KTN1: variants seen among roughly 807,000 people sequenced by gnomAD.
KTN1 encodes the protein kinectin 1, also known as kinectin.
A neutral mutation model predicts 222.5 loss-of-function variants in KTN1; 130 were observed. That is an observed-to-expected ratio of 0.58 (90% CI 0.51 to 0.68). The LOEUF is 0.68. Among genes scored for constraint, KTN1 ranks in the 30% least tolerant of loss-of-function variants. KTN1 has a pLI of 0.00. For synonymous variants in KTN1, 512 were observed against 496.3 expected (o/e 1.03, Z -0.42); for missense variants, 1,508 against 1,500.4 (o/e 1.01, Z -0.08).
intron 41 of KTN1, among the ~76,000 whole-genome samples, chr14:55,677,474 A>G (rs28476712): frequency 0.18 from 15,316 of 83,850 alleles, 1,161 homozygotes; most frequent in African/African-American, 0.34. Context: ...AAGACTGTCT[A>G]AAAAAAAAAA....
intron 33 of KTN1, among the ~76,000 whole-genome samples, chr14:55,665,949 G>A (rs2141264229): frequency 6.6e-6 from 1 of 151,898 alleles, no homozygotes; most frequent in African/African-American, 2.4e-5. Flanking sequence ...TTTTCAAAAA[G>A]CTGTTCCTCA....
intron 18 of KTN1, chr14:55,644,463 C>G (rs555301301): frequency 1.4e-6 from 1 of 698,900 alleles, no homozygotes; most frequent in Admixed American, 2.0e-5. Flanking sequence ...CCTGTTGATA[C>G]CCTAAAGGAG....
chr14:55,583,576 T>G (rs1161006935), intron 1 of KTN1, among the ~76,000 whole-genome samples: 1 of 152,154 alleles, frequency 6.6e-6, no homozygotes, highest in East Asian at 1.9e-4. Flanking sequence ...TTTTTGGGCT[T>G]TCTCCTTCCT....
At position 55,672,703 on chromosome 14, in the gene KTN1, T is replaced by TGAGAAGAGAACGAGAAC; in HGVS notation, c.3603+2_3603+3insGAGAAGAGAACGAGAAC. On this transcript the variant is annotated splice_region_variant and intron_variant, in intron 38 of 43. Transcript: ENST00000395314. ...AGCGAAAATAAGGATATTGAAAATG[T>TGAGAAGAGAACGAGAAC]ATGTTATTTGATTGTTTTACTTGTA... 6.4e-7 allele frequency: 1 copy of TGAGAAGAGAACGAGAAC among 1,561,930 alleles called. No homozygotes were observed. The highest frequency in any genetic ancestry group is 1.4e-5 in the African/African-American group (1 of 73,976).
At chr14:55,625,138 C>T (rs751420889) in intron 5 of KTN1, among the ~76,000 whole-genome samples, 1 of 152,160 alleles carries the variant, frequency 6.6e-6, no homozygotes, top group Non-Finnish European at 1.5e-5. Flanking sequence ...GACTCTGCCA[C>T]TTGCAGCTTT....
At chr14:55,665,546 A>G (rs912625650) in intron 33 of KTN1, among the ~76,000 whole-genome samples, 1 of 152,056 alleles carries the variant, frequency 6.6e-6, no homozygotes, top group Non-Finnish European at 1.5e-5. Context: ...GCCATAAATT[A>G]TGTTGTGATG....
rs149493705 is a variant in KTN1 at position 55,680,701 on chromosome 14, G to A, written c.4069+1016G>A. The A allele has an allele frequency of 1.2e-4, 161 of 1,366,674 alleles. No individual in the cohort carries two copies. The African/African-American group carries it at 2.2e-3, about 18-fold the overall frequency. 84.7% of individuals were successfully genotyped at this position (1,366,674 alleles called of 1,614,324 possible). On this transcript the variant is annotated intron_variant, in intron 43 of 43. Coordinates refer to ENST00000395314, the MANE Select transcript of KTN1 (RefSeq NM_001079521.2). Reference sequence around the variant, plus strand: ...CTCACTTTAGAGTGATCATCCTCTGGCCTACCTTGACACATGCTCTCCTTC... The same window carrying A: ...CTCACTTTAGAGTGATCATCCTCTGACCTACCTTGACACATGCTCTCCTTC...
intron 43 of KTN1, chr14:55,680,460 A>T (rs955075526): frequency 8.7e-6 from 3 of 342,878 alleles, no homozygotes; most frequent in African/African-American, 4.3e-5. Context: ...GAGTATTCAG[A>T]TATGCACTGA....
Position 55,663,997 on chromosome 14 carries a change from T to A in KTN1, c.3133T>A (p.Ser1045Thr), listed in dbSNP as rs1375634290. Residue 1045 changes from serine (S) to threonine (T), a missense_variant, in exon 33 of 44, where the codon TCA (serine) becomes ACA (threonine). Ser to Thr is a moderately conservative substitution (Grantham distance 58). Transcript: ENST00000395314. Reference sequence around the variant, plus strand: ...CTGGGAAGCAATGGAAGCATTGGCATCAACTGAAAAAATGCTGCAGGACAA... The same window carrying A: ...CTGGGAAGCAATGGAAGCATTGGCAACAACTGAAAAAATGCTGCAGGACAA... ...KNWEAMEALA[S>T]TEKMLQDKVN... The A allele has an allele frequency of 1.2e-6, 2 of 1,612,806 alleles. No homozygotes were observed. The highest frequency in any genetic ancestry group is 2.7e-5 in the African/African-American group (2 of 74,858).
intron 32 of KTN1, among the ~76,000 whole-genome samples, chr14:55,662,092 A>T (rs1338334641): frequency 7.1e-6 from 1 of 141,650 alleles, no homozygotes; most frequent in Admixed American, 7.2e-5. Flanking sequence ...TTTTTTTAAG[A>T]CAGGGTCTCG....
Position 55,650,346 on chromosome 14 carries a change from A to G in KTN1, c.2424A>G (p.Gly808=). 1 of 1,600,638 alleles carries G rather than the reference A, an allele frequency of 6.2e-7. No homozygotes were observed. Among genetic ancestry groups the G allele is most frequent in the Non-Finnish European group, 8.5e-7 (1 of 1,175,566 alleles). ...ATTGAAGGATCCATGAGAAAGATGG[A>G]AAGATCAAGTCTGTAGAAGAGCTTC... ...ELKKVIHEKD[G]KIKSVEELLE... The change falls in exon 23 of 44, where the codon GGA becomes GGG. Residue 808 remains glycine, a synonymous_variant. Coordinates refer to ENST00000395314, the MANE Select transcript of KTN1 (RefSeq NM_001079521.2).
At chr14:55,606,954 G>A (rs955039740) in intron 1 of KTN1, among the ~76,000 whole-genome samples, 4 of 152,114 alleles carry the variant, frequency 2.6e-5, no homozygotes, top group African/African-American at 9.7e-5. Context: ...TTAAATGGTT[G>A]TGTGATGTGT....
chr14:55,630,430 AAGAG>A (rs1368576645), intron 7 of KTN1, among the ~76,000 whole-genome samples: 2 of 152,194 alleles, frequency 1.3e-5, no homozygotes, highest in African/African-American at 4.8e-5. Flanking sequence ...ATTATCAAGT[AAGAG>A]AGTAAAGAAA....
chr14:55,639,381 C>G (rs117983555), intron 13 of KTN1, among the ~76,000 whole-genome samples, 159 bp downstream of exon 13: 1 of 126,310 alleles, frequency 7.9e-6, no homozygotes, highest in African/African-American at 3.0e-5. Flanking sequence ...TTTTTTTTTC[C>G]TTTTTCCCAT....
intron 43 of KTN1, chr14:55,682,293 A>G (rs1009337936): frequency 6.6e-6 from 1 of 152,172 alleles, no homozygotes; most frequent in Non-Finnish European, 1.5e-5. Context: ...CAAAAAAAGA[A>G]AAGGGTACCA....
At chr14:55,667,491 C>T (rs2044932088) in intron 34 of KTN1, among the ~76,000 whole-genome samples, 161 bp downstream of exon 34, 1 of 151,760 alleles carries the variant, frequency 6.6e-6, no homozygotes, top group African/African-American at 2.4e-5. Context: ...TAACTTGGTT[C>T]AAAACTCATT....
intron 1 of KTN1, among the ~76,000 whole-genome samples, chr14:55,597,222 G>C (rs1008848520): frequency 1.3e-5 from 2 of 152,158 alleles, no homozygotes; most frequent in Non-Finnish European, 1.5e-5. Flanking sequence ...TACTCATTTG[G>C]CTTACACTTT....
chr14:55,667,952 G>C, intron 34 of KTN1: 1 of 150,922 alleles, frequency 6.6e-6, no homozygotes, highest in East Asian at 1.9e-4. Flanking sequence ...ACAGTAGAGA[G>C]ACGAGCATAA....
chr14:55,627,253 C>A (rs79618862), intron 5 of KTN1, among the ~76,000 whole-genome samples: 4 of 151,866 alleles, frequency 2.6e-5, no homozygotes, highest in South Asian at 2.1e-4. Context: ...AAAATCTGTT[C>A]CTTGGTTGAT....
Sources: allele counts gnomAD v4.1 joint callset (sites outside exome capture counted in the v4.1 genomes callset), GRCh38; gene constraint gnomAD v4.1.1; transcripts MANE v1.5; gene names NCBI Gene and HGNC (gene_info 2026-07-23, HGNC 2026-07-21).